DNAJC15: variants seen among roughly 807,000 people sequenced by gnomAD.
DNAJC15 encodes the protein DnaJ heat shock protein family (Hsp40) member C15, also known as dnaJ homolog subfamily C member 15.
DNAJC15 carries 27 observed loss-of-function variants against 22.4 expected under a neutral mutation model. The observed-to-expected ratio is 1.20, with a 90% CI of 0.89 to 1.66. The LOEUF (loss-of-function observed/expected upper bound fraction) is 1.66, where lower values mean the gene tolerates loss of function less well. Ranked by LOEUF, DNAJC15 falls within the 40% of genes most tolerant of loss-of-function variation. The probability of loss-of-function intolerance (pLI) is 0.00; values close to 1 mark genes in which losing one functional copy is unlikely to be tolerated. For synonymous variants in DNAJC15, 79 were observed against 63.2 expected, an observed-to-expected ratio of 1.25 and a Z score of -1.19; for missense variants, 208 against 187.1, an observed-to-expected ratio of 1.11 and a Z score of -0.65.
At chr13:43,036,502 A>G (rs1421483451) in intron 1 of DNAJC15, among the ~76,000 whole-genome samples, 1 of 152,114 alleles carries the variant, frequency 6.6e-6, no homozygotes, top group East Asian at 1.9e-4. Flanking sequence ...AGCACCATCC[A>G]ATTGGCCGAT....
intron 3 of DNAJC15, among the ~76,000 whole-genome samples, chr13:43,072,727 C>G (rs1053852348): frequency 3.3e-5 from 5 of 152,142 alleles, no homozygotes; most frequent in Non-Finnish European, 7.3e-5. Context: ...CTATTCCCAG[C>G]TAATTTTTGT....
Position 43,065,713 on chromosome 13 carries a change from G to C in DNAJC15, c.136G>C (p.Gly46Arg). 6.2e-7 allele frequency: 1 copy of C among 1,613,010 alleles called. No individual in the cohort carries two copies. The highest frequency in any genetic ancestry group is 2.2e-5 in the East Asian group (1 of 44,782). Residue 46 changes from glycine to arginine, a missense_variant, in exon 2 of 6, where the codon GGT (glycine) becomes CGT (arginine). By Grantham distance (125) the Gly-to-Arg change is moderately radical. Transcript: ENST00000379221. Reference sequence around the variant, plus strand: ...AAGAAGTTTGATAGCTGTAGGACTGGGTGTTGCAGCTCTTGCATTTGCAGG... The same window carrying C: ...AAGAAGTTTGATAGCTGTAGGACTGCGTGTTGCAGCTCTTGCATTTGCAGG... ...LVRSLIAVGL[G>R]VAALAFAGRY...
intron 1 of DNAJC15, among the ~76,000 whole-genome samples, chr13:43,052,873 G>T (rs377536185): frequency 3.3e-5 from 5 of 152,086 alleles, no homozygotes; most frequent in East Asian, 3.8e-4. Flanking sequence ...TTCTTTTGCT[G>T]TGCAGAAGCT....
At chr13:43,072,982 C>T (rs1340298331) in intron 3 of DNAJC15, among the ~76,000 whole-genome samples, 1 of 152,134 alleles carries the variant, frequency 6.6e-6, no homozygotes, top group East Asian at 1.9e-4. Flanking sequence ...TAGCATTTGG[C>T]CAAATTCTCT....
In DNAJC15 at chr13:43,085,231, C is replaced by T. The variant is rs141871119; in HGVS notation, c.312-537C>T. 9.2e-3 allele frequency among the ~76,000 whole-genome samples: 1,405 copies of T among 151,938 alleles called. 22 individuals are homozygous for T. Among genetic ancestry groups the T allele is most frequent in the African/African-American group, 0.029 (1,182 of 41,434 alleles). On this transcript the variant is annotated intron_variant, in intron 4 of 5. Coordinates refer to ENST00000379221, the MANE Select transcript of DNAJC15 (RefSeq NM_013238.3). ...CAAAAATTAGCCGGGTGTGGTGGCG[C>T]GCGTCTGTAATCCCAGCTGCTTGGG...
intron 1 of DNAJC15, among the ~76,000 whole-genome samples, chr13:43,043,649 G>A (rs1305874501): frequency 6.6e-6 from 1 of 152,204 alleles, no homozygotes; most frequent in East Asian, 1.9e-4. Flanking sequence ...AAGCCTAAGA[G>A]TTTTGTTTCC....
At chr13:43,065,647 A>G (rs781501464) in intron 1 of DNAJC15, 39 bp from the exon 2 acceptor site, 3 of 1,516,590 alleles carry the variant, frequency 2.0e-6, no homozygotes, top group Non-Finnish European at 9.1e-7. Flanking sequence ...AAAACCCAGC[A>G]TGTTACATCA....
chr13:43,054,581 T>C (rs1255710407), intron 1 of DNAJC15, among the ~76,000 whole-genome samples: 1 of 152,160 alleles, frequency 6.6e-6, no homozygotes, highest in Non-Finnish European at 1.5e-5. Context: ...TCAGTCTCAC[T>C]TATTGTTATT....
At position 43,023,596 on chromosome 13, in the gene DNAJC15, G is replaced by T; in HGVS notation, c.-31G>T. The T allele has an allele frequency of 6.3e-7, 1 of 1,589,416 alleles. No individual in the cohort carries two copies. Among genetic ancestry groups the T allele is most frequent in the Non-Finnish European group, 8.6e-7 (1 of 1,166,190 alleles). ...CTACGGCCGCCTCGTAGTCACTGCC[G>T]CGGCGCCTTGAGTCTCCGGGCCGCC... is the stretch of plus-strand genomic sequence containing the variant. On this transcript the variant is annotated 5_prime_UTR_variant, in exon 1 of 6. Transcript: ENST00000379221.
intron 5 of DNAJC15, among the ~76,000 whole-genome samples, chr13:43,092,116 T>C (rs1286682755): frequency 6.6e-6 from 1 of 152,228 alleles, no homozygotes; most frequent in East Asian, 1.9e-4. Flanking sequence ...GATTGTGGAT[T>C]TGTCTGTTTC....
intron 1 of DNAJC15, among the ~76,000 whole-genome samples, chr13:43,059,843 GTTT>G (rs2040549809): frequency 6.6e-6 from 1 of 152,178 alleles, no homozygotes; most frequent in Admixed American, 6.5e-5. Context: ...TAGGAGCAAT[GTTT>G]CGCGGGCATG....
intron 3 of DNAJC15, among the ~76,000 whole-genome samples, chr13:43,073,141 T>C (rs1028162298): frequency 6.6e-6 from 1 of 152,224 alleles, no homozygotes; most frequent in African/African-American, 2.4e-5. Flanking sequence ...AATTGACTAA[T>C]AGAAGTAATG....
intron 1 of DNAJC15, among the ~76,000 whole-genome samples, chr13:43,064,720 T>C (rs938395179): frequency 1.3e-5 from 2 of 152,176 alleles, no homozygotes; most frequent in South Asian, 2.1e-4. Flanking sequence ...GGAACCAATG[T>C]CTTTTCATCT....
chr13:43,035,195 A>G (rs61950393), intron 1 of DNAJC15, among the ~76,000 whole-genome samples: 2,018 of 152,188 alleles, frequency 0.013, 26 homozygotes, highest in Middle Eastern at 0.027. Context: ...TTGTTTTTCA[A>G]TATCTGGTGT....
At chr13:43,074,051 A>G (rs1045051682) in intron 3 of DNAJC15, among the ~76,000 whole-genome samples, 1 of 151,872 alleles carries the variant, frequency 6.6e-6, no homozygotes, top group Non-Finnish European at 1.5e-5. Context: ...TTGTTTTATG[A>G]TCAAGTGAAA....
intron 4 of DNAJC15, among the ~76,000 whole-genome samples, chr13:43,083,737 T>C (rs1369874325): frequency 6.6e-6 from 1 of 152,198 alleles, no homozygotes; most frequent in East Asian, 1.9e-4. Context: ...TTCATACCTC[T>C]GGTATGATGT....
At chr13:43,070,236 A>G (rs1279405933) in intron 3 of DNAJC15, among the ~76,000 whole-genome samples, 1 of 152,202 alleles carries the variant, frequency 6.6e-6, no homozygotes, top group African/African-American at 2.4e-5. Flanking sequence ...ACAGCAAGTG[A>G]TTTTACAGTC....
At chr13:43,040,896 T>C (rs1184602306) in intron 1 of DNAJC15, among the ~76,000 whole-genome samples, 1 of 152,184 alleles carries the variant, frequency 6.6e-6, no homozygotes, top group Non-Finnish European at 1.5e-5. Flanking sequence ...AAGAGCAGTA[T>C]TGCTGCCCGC....
At chr13:43,051,262 G>A (rs1412073322) in intron 1 of DNAJC15, among the ~76,000 whole-genome samples, 1 of 152,336 alleles carries the variant, frequency 6.6e-6, no homozygotes, top group East Asian at 1.9e-4. Flanking sequence ...ACAGGCGTGA[G>A]CCACTGTGCC....
Sources: gnomAD v4.1 joint callset for allele counts (sites outside exome capture counted in the v4.1 genomes callset) on GRCh38, gnomAD v4.1.1 for gene constraint, MANE v1.5 for transcripts, NCBI Gene and HGNC (gene_info 2026-07-23, HGNC 2026-07-21) for gene names.